DHX16: variants seen among roughly 807,000 people sequenced by gnomAD.
DHX16 encodes pre-mRNA-splicing factor ATP-dependent RNA helicase DHX16.
DHX16 carries 81 observed loss-of-function variants against 131.2 expected under a neutral mutation model. The ratio of observed to expected loss-of-function variants is 0.62; its 90% CI spans 0.52 to 0.74. The LOEUF is 0.74. DHX16 is among the 30% of genes least tolerant of loss of function. The pLI is 0.00. For missense variants in DHX16, 980 were observed against 1,363.1 expected (o/e 0.72, Z 4.43); for synonymous variants, 440 against 520.2 (o/e 0.85, Z 2.10).
chr6:30,659,862 A>C (rs953778431), intron 10 of DHX16, 28 bp from the exon 11 acceptor site: 1 of 1,608,138 alleles, frequency 6.2e-7, no homozygotes, highest in Admixed American at 1.7e-5. Flanking sequence ...ATGGGGTCAC[A>C]GGAGGGCCAC....
At position 30,656,330 on chromosome 6, in the gene DHX16, G is replaced by T; in HGVS notation, c.2430+61C>A. On this transcript the variant is annotated intron_variant, in intron 15 of 19. Transcript: ENST00000376442. The surrounding 1 kb of genome is among the most constrained non-coding windows in gnomAD (Gnocchi z 5.1). ...CAGGTTTCCCGCTACTACTACAGGG[G>T]TCCCTGGAGCCATCCTGACCCCTAT... The T allele has an allele frequency of 6.2e-7, 1 of 1,609,906 alleles. No individual in the cohort carries two copies. The highest frequency in any genetic ancestry group is 8.5e-7 in the Non-Finnish European group (1 of 1,176,454).
Position 30,659,802 on chromosome 6 carries a change from T to G in DHX16, c.1788A>C (p.Val596=), listed in dbSNP as rs573467669. 8 of 1,614,206 alleles carry G rather than the reference T, an allele frequency of 5.0e-6. No homozygotes were observed. The highest frequency in any genetic ancestry group is 5.9e-6 in the Non-Finnish European group (7 of 1,180,036). Residue 596 remains valine, a synonymous_variant, in exon 11 of 20, where the codon GTA becomes GTC. Coordinates refer to ENST00000376442, the MANE Select transcript of DHX16 (RefSeq NM_003587.5). Reference sequence around the variant, plus strand: ...TCACATGGATCTGCAACACAGATACTACACAAGCTTCCAAGTAGTCAGCCT... The same window carrying G: ...TCACATGGATCTGCAACACAGATACGACACAAGCTTCCAAGTAGTCAGCCT... The part of the protein sequence containing the change: ...APEADYLEAC[V]VSVLQIHVTQ...
At position 30,655,561 on chromosome 6, in the gene DHX16, G is replaced by A. The variant is rs1367595103; in HGVS notation, c.2535C>T (p.Ala845=). 3 of 1,613,088 alleles carry A rather than the reference G, an allele frequency of 1.9e-6. No individual in the cohort carries two copies. The South Asian group carries it at 3.3e-5, about 18-fold the overall frequency. The change falls in exon 17 of 20, where the codon GCC becomes GCT. Residue 845 remains alanine, a synonymous_variant. Coordinates refer to ENST00000376442, the MANE Select transcript of DHX16 (RefSeq NM_003587.5). ...AGATGGAGTTGTTGACAGAGAGCATGGCAGCCACTGTCAGGATCTCCTCTG... is the reference window on the plus strand; with the variant it reads ...AGATGGAGTTGTTGACAGAGAGCATAGCAGCCACTGTCAGGATCTCCTCTG... The part of the protein sequence containing the change: ...SCSEEILTVA[A]MLSVNNSIFY...
intron 4 of DHX16, among the ~76,000 whole-genome samples, chr6:30,667,375 G>C (rs1335562228): frequency 1.3e-5 from 2 of 152,082 alleles, no homozygotes; most frequent in Non-Finnish European, 2.9e-5. Flanking sequence ...GAAGTCAGGA[G>C]ATCGAGACCA....
In DHX16 at chr6:30,662,103, C is replaced by T. The variant is rs1768571508; in HGVS notation, c.1544+524G>A. ...GCTCATTATTCACAGACCAAGCTAC[C>T]CAAGACTTGTGTGGAGGGCCAAGAC... On this transcript the variant is annotated intron_variant, in intron 9 of 19. Coordinates refer to ENST00000376442, the MANE Select transcript of DHX16 (RefSeq NM_003587.5). This position sits in a 1 kb window ranked among gnomAD's most constrained non-coding sequence, Gnocchi z 4.7. 1 of 536,530 alleles carries T rather than the reference C, an allele frequency of 1.9e-6. No individual in the cohort carries two copies. The highest frequency in any genetic ancestry group is 1.9e-5 in the African/African-American group (1 of 52,670). The allele number at this position is 536,530 out of a possible 1,614,324, so 33.2% of individuals were successfully genotyped here. A position where few individuals can be genotyped will look rare whatever the true frequency, so the allele number is the denominator to read the frequency against.
intron 18 of DHX16, 135 bp downstream of exon 18, chr6:30,655,040 G>A (rs1024041079): frequency 1.4e-6 from 2 of 1,410,414 alleles, no homozygotes; most frequent in African/African-American, 2.9e-5. Flanking sequence ...GGAAGAAAGG[G>A]CCCTGGGAGG....
At position 30,655,189 on chromosome 6, in the gene DHX16, T is replaced by C; in HGVS notation, c.2809A>G (p.Ile937Val). The C allele has an allele frequency of 1.9e-6, 3 of 1,614,058 alleles. No homozygotes were observed. Among genetic ancestry groups the C allele is most frequent in the Non-Finnish European group, 2.5e-6 (3 of 1,180,008 alleles). ...VGLSSCQGDY[I>V]RVRKAITAGY... ...GAAATGCTGACCTTGCGTACACGGA[T>C]ATAGTCCCCCTGGCAGGAACTGAGA... Residue 937 changes from isoleucine to valine, a missense_variant, in exon 18 of 20, where the codon ATC (isoleucine) becomes GTC (valine). Physicochemically the swap from Ile to Val is conservative, Grantham distance 29. Transcript: ENST00000376442.
Position 30,655,453 on chromosome 6 carries a change from C to G in DHX16, c.2643G>C (p.Leu881=). The stretch of plus-strand genomic sequence containing the variant: ...CAGTGACCTGTGTGTAAACATTTAG[C>G]AGAACCAGGTGGTCACCGCCAGGGA... ...FFLPGGDHLV[L]LNVYTQWAES... The change falls in exon 17 of 20, where the codon CTG becomes CTC. Residue 881 remains leucine, a synonymous_variant. Transcript: ENST00000376442. 6.2e-7 allele frequency: 1 copy of G among 1,613,720 alleles called. No individual in the cohort carries two copies. Among genetic ancestry groups the G allele is most frequent in the Non-Finnish European group, 8.5e-7 (1 of 1,180,030 alleles).
intron 9 of DHX16, 157 bp from the exon 10 acceptor site, chr6:30,660,399 T>G: frequency 1.8e-6 from 1 of 555,508 alleles, no homozygotes. Flanking sequence ...ATCCCACTTA[T>G]GTAGAGCAAC....
chr6:30,654,916 G>A (rs1228159398), intron 18 of DHX16, 37 bp from the exon 19 acceptor site: 1 of 1,591,742 alleles, frequency 6.3e-7, no homozygotes, highest in African/African-American at 1.3e-5. Context: ...AATGGAAAAG[G>A]CAGACATCTG....
intron 19 of DHX16, among the ~76,000 whole-genome samples, chr6:30,653,830 T>G (rs1339498279): frequency 6.6e-6 from 1 of 152,206 alleles, no homozygotes; most frequent in Non-Finnish European, 1.5e-5. Flanking sequence ...AAGAAAAGTC[T>G]AGAACAACAT....
rs766356884 is a variant in DHX16 at position 30,665,604 on chromosome 6, C to T, written c.796G>A (p.Glu266Lys). The T allele has an allele frequency of 1.9e-6, 3 of 1,612,982 alleles. No homozygotes were observed. The highest frequency in any genetic ancestry group is 8.5e-7 in the Non-Finnish European group (1 of 1,180,036). ...LFGDVELSRH[E>K]RQELKYKRRV... Reference sequence around the variant, plus strand: ...CGCTTATATTTGAGCTCCTGCCGCTCGTGCCGGCTCAGCTCCACGTCCCCA... The same window carrying T: ...CGCTTATATTTGAGCTCCTGCCGCTTGTGCCGGCTCAGCTCCACGTCCCCA... Residue 266 changes from glutamate (E) to lysine (K), a missense_variant, in exon 5 of 20, where the codon GAG becomes AAG. Glu to Lys is a moderately conservative substitution (Grantham distance 56). Coordinates refer to ENST00000376442, the MANE Select transcript of DHX16 (RefSeq NM_003587.5). The surrounding 1 kb of genome is among the most constrained non-coding windows in gnomAD (Gnocchi z 4.8).
chr6:30,670,569 A>G lies in DHX16; in HGVS notation c.610-103T>C. On this transcript the variant is annotated intron_variant, in intron 3 of 19. Coordinates refer to ENST00000376442, the MANE Select transcript of DHX16 (RefSeq NM_003587.5). The surrounding 1 kb of genome is among the most constrained non-coding windows in gnomAD (Gnocchi z 4.4). ...AAGGATCATTCAGATGCGCCCTAAC[A>G]CAAAAAATGTCCCCTCTCAGTGAGG... 5 of 1,330,866 alleles carry G rather than the reference A, an allele frequency of 3.8e-6. No homozygotes were observed. The highest frequency in any genetic ancestry group is 5.2e-6 in the Non-Finnish European group (5 of 957,510). 82.4% of individuals were successfully genotyped at this position (1,330,866 alleles called of 1,614,324 possible).
At position 30,667,278 on chromosome 6, in the gene DHX16, C is replaced by T. The variant is rs1275512448; in HGVS notation, c.667-1545G>A. ...TAGCCAATACACGTAACAGGAATGA[C>T]AGAATCAAAAAATCACCATTTCGGC... is the stretch of plus-strand genomic sequence containing the variant. On this transcript the variant is annotated intron_variant, in intron 4 of 19. Coordinates refer to ENST00000376442, the MANE Select transcript of DHX16 (RefSeq NM_003587.5). Among the ~76,000 whole-genome samples the T allele has an allele frequency of 6.6e-5, 10 of 152,172 alleles. No homozygotes were observed. The South Asian group carries it at 1.0e-3, about 16-fold the overall frequency.
At position 30,672,620 on chromosome 6, in the gene DHX16, C is replaced by A; in HGVS notation, c.207+15G>T. On this transcript the variant is annotated intron_variant, in intron 1 of 19. Transcript: ENST00000376442. ...CGGGACAAATCACAGGGCCCCTCCC[C>A]ACCCCTGCCGACACCTTGTTCCAGA... 1.2e-6 allele frequency: 2 copies of A among 1,601,918 alleles called. No individual in the cohort carries two copies. Among genetic ancestry groups the A allele is most frequent in the Non-Finnish European group, 1.7e-6 (2 of 1,170,838 alleles).
At position 30,670,731 on chromosome 6, in the gene DHX16, C is replaced by G; in HGVS notation, c.609+59G>C. 1 of 1,604,716 alleles carries G rather than the reference C, an allele frequency of 6.2e-7. No individual in the cohort carries two copies. Among genetic ancestry groups the G allele is most frequent in the Middle Eastern group, 1.7e-4 (1 of 6,054 alleles). ...AGATCACTATCTCTGCACTCACAGC[C>G]AACCTCAGATTTCACCCTGGGATCT... is the stretch of plus-strand genomic sequence containing the variant. On this transcript the variant is annotated intron_variant, in intron 3 of 19. Coordinates refer to ENST00000376442, the MANE Select transcript of DHX16 (RefSeq NM_003587.5). The surrounding 1 kb of genome is among the most constrained non-coding windows in gnomAD (Gnocchi z 4.4).
At chr6:30,661,031 G>T (rs1191697996) in intron 9 of DHX16, among the ~76,000 whole-genome samples, 3 of 151,466 alleles carry the variant, frequency 2.0e-5, no homozygotes, top group Non-Finnish European at 4.4e-5. Context: ...CCAAGTAGCT[G>T]GGACTACAGG....
chr6:30,660,295 C>G (rs1159537299), intron 9 of DHX16, 53 bp from the exon 10 acceptor site: 2 of 1,422,630 alleles, frequency 1.4e-6, no homozygotes, highest in Non-Finnish European at 1.9e-6. Flanking sequence ...AATGCAGTAT[C>G]AGACACCAGA....
chr6:30,654,945 T>C (rs1767828954), intron 18 of DHX16, 66 bp from the exon 19 acceptor site: 2 of 1,520,646 alleles, frequency 1.3e-6, no homozygotes, highest in East Asian at 2.3e-5. Context: ...AAGAATGCAC[T>C]ACCTTTTTAG....
Sources: allele counts gnomAD v4.1 joint callset (sites outside exome capture counted in the v4.1 genomes callset), GRCh38; gene constraint gnomAD v4.1.1; non-coding constraint Gnocchi (gnomAD v3.1); transcripts MANE v1.5; gene names NCBI Gene and HGNC (gene_info 2026-07-23, HGNC 2026-07-21).